The following TENM3 variants were observed in gnomAD, a reference collection of about 807,000 sequenced individuals.
TENM3 encodes teneurin transmembrane protein 3.
A neutral mutation model predicts 255.1 loss-of-function variants in TENM3; 63 were observed. The observed-to-expected ratio is 0.25, with a 90% CI of 0.20 to 0.30. The LOEUF is 0.30. Among genes scored for constraint, TENM3 ranks in the 10% least tolerant of loss-of-function variants. TENM3 has a pLI of 1.00. For missense variants in TENM3, 2,929 were observed against 3,461.1 expected, an observed-to-expected ratio of 0.85 and a Z score of 3.86; for synonymous variants, 1,306 against 1,322.3, an observed-to-expected ratio of 0.99 and a Z score of 0.27.
At chr4:181,831,124 T>C in the TENM3 span, among the ~76,000 whole-genome samples, 1 of 152,208 alleles carries the variant, frequency 6.6e-6, no homozygotes, top group African/African-American at 2.4e-5. Flanking sequence ...TAATCAATTT[T>C]TCATTTTGTA....
chr4:182,545,214 A>G (rs574227272), intron 3 of TENM3, among the ~76,000 whole-genome samples: 28 of 152,348 alleles, frequency 1.8e-4, no homozygotes, highest in African/African-American at 6.7e-4. Context: ...AGTTAAGACA[A>G]CATACCAGTG....
chr4:182,666,661 C>T (rs1754706650), intron 6 of TENM3, among the ~76,000 whole-genome samples: 1 of 152,118 alleles, frequency 6.6e-6, no homozygotes, highest in Admixed American at 6.6e-5. Flanking sequence ...CTTTGGGTGG[C>T]CGAGGCTGGT....
chr4:182,567,881 T>C (rs141605856), intron 3 of TENM3, among the ~76,000 whole-genome samples: 116 of 152,004 alleles, frequency 7.6e-4, no homozygotes, highest in Non-Finnish European at 1.2e-3. Flanking sequence ...TCTGTTTTGT[T>C]CATAGAGGTA....
chr4:182,097,682 G>A, the TENM3 span, among the ~76,000 whole-genome samples: 11 of 151,844 alleles, frequency 7.2e-5, no homozygotes, highest in South Asian at 4.1e-4. Context: ...CGTGTGGTCC[G>A]GAAAAGGCCC....
chr4:182,176,827 T>A lies in TENM3; in HGVS notation c.-76+32073T>A, dbSNP rs961852624. Among the ~76,000 whole-genome samples the A allele has an allele frequency of 6.2e-5, 9 of 144,996 alleles. 1 individual carries two copies. Among genetic ancestry groups the A allele is most frequent in the Admixed American group, 1.4e-4 (2 of 14,476 alleles). ...CTAAATTAGCATCCGGCTAATTTTT[T>A]TTTTTTTTTTTTTTTTTTTTGATTT... On this transcript the variant is annotated intron_variant, in intron 1 of 2. Coordinates refer to the TENM3 transcript ENST00000512480.
chr4:182,308,259 G>C (rs1211253685), intron 1 of TENM3, among the ~76,000 whole-genome samples: 1 of 152,130 alleles, frequency 6.6e-6, no homozygotes, highest in African/African-American at 2.4e-5. Context: ...CGATGCCTGG[G>C]TTGGGCGTTG....
intron 1 of TENM3, among the ~76,000 whole-genome samples, chr4:182,195,010 A>C (rs952587255): frequency 1.4e-5 from 2 of 146,810 alleles, no homozygotes; most frequent in African/African-American, 5.1e-5. Context: ...ATAAGTGACC[A>C]ACACAGTCTC....
the TENM3 span, among the ~76,000 whole-genome samples, chr4:182,010,327 C>T: frequency 6.6e-6 from 1 of 152,106 alleles, no homozygotes; most frequent in Non-Finnish European, 1.5e-5. Flanking sequence ...TACATTTGTA[C>T]ATACAAGTCT....
At chr4:182,513,940 C>A (rs545189005) in intron 3 of TENM3, among the ~76,000 whole-genome samples, 2 of 152,338 alleles carry the variant, frequency 1.3e-5, no homozygotes, top group East Asian at 3.9e-4. Context: ...ATCTAAACTA[C>A]CAATCCTAAT....
chr4:182,514,100 C>T (rs1172562780), intron 3 of TENM3, among the ~76,000 whole-genome samples: 4 of 152,302 alleles, frequency 2.6e-5, no homozygotes, highest in East Asian at 1.9e-4. Flanking sequence ...TCTTGGGAAC[C>T]GTGAGTAACA....
At chr4:181,986,551 T>G in the TENM3 span, among the ~76,000 whole-genome samples, 4 of 152,076 alleles carry the variant, frequency 2.6e-5, no homozygotes, top group African/African-American at 9.7e-5. Flanking sequence ...TCAGTCTCCA[T>G]GACTCCCCCT....
chr4:181,770,889 G>A, the TENM3 span, among the ~76,000 whole-genome samples: 651 of 152,180 alleles, frequency 4.3e-3, 1 homozygote, highest in South Asian at 0.013. Context: ...CCCACACTCC[G>A]TTAACTCTTT....
chr4:182,209,460 A>C (rs1248885268), intron 1 of TENM3, among the ~76,000 whole-genome samples: 2 of 147,260 alleles, frequency 1.4e-5, no homozygotes, highest in African/African-American at 5.4e-5. Flanking sequence ...AAGGCTGCCA[A>C]GACTCCTGCT....
the TENM3 span, among the ~76,000 whole-genome samples, chr4:181,541,287 G>A: frequency 6.6e-6 from 1 of 152,104 alleles, no homozygotes; most frequent in Non-Finnish European, 1.5e-5. Flanking sequence ...GGAGGCTGAG[G>A]TGGGAGGACT....
the TENM3 span, among the ~76,000 whole-genome samples, chr4:181,635,626 G>A: frequency 2.0e-5 from 3 of 152,324 alleles, no homozygotes; most frequent in Admixed American, 1.3e-4. Context: ...GCTACCTTGG[G>A]AACTTCTATG....
At chr4:181,791,492 T>C in the TENM3 span, among the ~76,000 whole-genome samples, 1 of 152,222 alleles carries the variant, frequency 6.6e-6, no homozygotes, top group Non-Finnish European at 1.5e-5. Context: ...AAGAATTTTA[T>C]TTATTGTGCT....
intron 3 of TENM3, among the ~76,000 whole-genome samples, chr4:182,398,905 A>G (rs542722876): frequency 7.9e-5 from 12 of 152,220 alleles, no homozygotes; most frequent in African/African-American, 2.9e-4. Flanking sequence ...ATAATTGCCA[A>G]CTCCTTAGTT....
chr4:181,731,927 A>C, the TENM3 span, among the ~76,000 whole-genome samples: 1 of 152,168 alleles, frequency 6.6e-6, no homozygotes, highest in Non-Finnish European at 1.5e-5. Flanking sequence ...TGAGTTCTAT[A>C]ACTGAAGGGA....
intron 1 of TENM3, among the ~76,000 whole-genome samples, chr4:182,188,366 A>C (rs1280556941): frequency 6.6e-6 from 1 of 152,058 alleles, no homozygotes; most frequent in Non-Finnish European, 1.5e-5. Context: ...AGAAACCTTG[A>C]GCATCCAAGT....
Sources: allele counts gnomAD v4.1 joint callset (sites outside exome capture counted in the v4.1 genomes callset), GRCh38; gene constraint gnomAD v4.1.1; transcripts MANE v1.5; gene names NCBI Gene and HGNC (gene_info 2026-07-23, HGNC 2026-07-21).